The following HDAC4 variants were observed in gnomAD, a reference collection of about 807,000 sequenced individuals.
HDAC4 encodes histone deacetylase 4.
Under a neutral mutation model 135.1 loss-of-function variants are expected in HDAC4, and 16 were observed. The observed-to-expected ratio is 0.12, with a 90% CI of 0.08 to 0.18. The LOEUF (loss-of-function observed/expected upper bound fraction) is 0.18, where lower values mean the gene tolerates loss of function less well. HDAC4 is among the 10% of genes least tolerant of loss of function. The pLI is 1.00. For missense variants in HDAC4, 1,143 were observed against 1,511.8 expected, an observed-to-expected ratio of 0.76 and a Z score of 4.05; for synonymous variants, 685 against 653.4, an observed-to-expected ratio of 1.05 and a Z score of -0.74.
At chr2:239,238,268 A>G (rs1197613991) in intron 2 of HDAC4, among the ~76,000 whole-genome samples, 1 of 152,198 alleles carries the variant, frequency 6.6e-6, no homozygotes, top group Non-Finnish European at 1.5e-5. Context: ...CTCATTGTAG[A>G]CAAAAAATAA....
intron 3 of HDAC4, among the ~76,000 whole-genome samples, chr2:239,213,821 G>A (rs899517933): frequency 1.3e-5 from 2 of 152,214 alleles, no homozygotes; most frequent in African/African-American, 4.8e-5. Context: ...CACAGGGCAG[G>A]GCCTGCCCTC....
rs3838511 is a variant in HDAC4 at position 239,141,848 on chromosome 2, A to AT, written c.866-2053dup. The stretch of plus-strand genomic sequence containing the variant: ...CTTTTAACTCAACGAGGTTAATTTT[A>AT]TTTTTTTGCATTCTACTTCCAGGAA... On this transcript the variant is annotated intron_variant, in intron 8 of 26. Transcript: ENST00000543185. This position sits in a 1 kb window ranked among gnomAD's most constrained non-coding sequence, Gnocchi z 4.9. Among the ~76,000 whole-genome samples the AT allele has an allele frequency of 3.2e-4, 48 of 152,270 alleles. No individual in the cohort carries two copies. The East Asian group carries it at 7.5e-3, about 24-fold the overall frequency.
chr2:239,197,328 G>A (rs1489677166), intron 3 of HDAC4, among the ~76,000 whole-genome samples: 1 of 152,196 alleles, frequency 6.6e-6, no homozygotes. Flanking sequence ...GCTGCACCTT[G>A]AGTGTGACTC....
At chr2:239,264,908 T>G (rs1434620505) in intron 2 of HDAC4, among the ~76,000 whole-genome samples, 1 of 152,186 alleles carries the variant, frequency 6.6e-6, no homozygotes, top group Admixed American at 6.5e-5. Context: ...GCAATGGGCT[T>G]TCTTTTTTCC....
chr2:239,181,703 C>T (rs1192334382), intron 4 of HDAC4, among the ~76,000 whole-genome samples: 1 of 152,174 alleles, frequency 6.6e-6, no homozygotes, highest in East Asian at 1.9e-4. Flanking sequence ...AAAACCTGCT[C>T]CACCCACCTG....
Position 239,085,045 on chromosome 2 carries a change from C to CAG in HDAC4, c.2445-804_2445-803insCT, listed in dbSNP as rs1559395545. On this transcript the variant is annotated intron_variant, in intron 19 of 26. Coordinates refer to ENST00000543185, the MANE Select transcript of HDAC4 (RefSeq NM_001378414.1). ...AGTTCCATACTGAGACAGACAGACACACACACACACACACACACACACACA... is the reference window on the plus strand; with the variant it reads ...AGTTCCATACTGAGACAGACAGACACAGACACACACACACACACACACACACA... 1.8e-3 allele frequency among the ~76,000 whole-genome samples: 111 copies of CAG among 60,974 alleles called. 1 individual carries two copies. The highest frequency in any genetic ancestry group is 4.4e-3 in the South Asian group (7 of 1,582). The allele number at this position is 60,974 out of a possible 152,430, so 40.0% of individuals were successfully genotyped here. A position where few individuals can be genotyped will look rare whatever the true frequency, so the allele number is the denominator to read the frequency against.
chr2:239,097,170 A>G (rs2037187686), intron 16 of HDAC4, among the ~76,000 whole-genome samples: 1 of 152,216 alleles, frequency 6.6e-6, no homozygotes, highest in African/African-American at 2.4e-5. Context: ...GCTCCTCTCC[A>G]CCTGGCCTGG....
chr2:239,293,847 G>A (rs184619953), intron 2 of HDAC4, among the ~76,000 whole-genome samples: 4 of 152,328 alleles, frequency 2.6e-5, no homozygotes, highest in Admixed American at 6.5e-5. Context: ...ACCTGACGGC[G>A]AGAACGCCAG....
intron 7 of HDAC4, 116 bp downstream of exon 7, chr2:239,156,536 A>C (rs561354628): frequency 8.0e-7 from 1 of 1,247,430 alleles, no homozygotes; most frequent in East Asian, 2.3e-5. Context: ...AATATTTAAA[A>C]ATCTGCAGGT....
chr2:239,257,861 G>A (rs1457625639), intron 2 of HDAC4, among the ~76,000 whole-genome samples: 1 of 151,968 alleles, frequency 6.6e-6, no homozygotes, highest in Admixed American at 6.6e-5. Flanking sequence ...AAACCCAACA[G>A]AACAACAAAC....
intron 23 of HDAC4, among the ~76,000 whole-genome samples, chr2:239,067,667 C>T (rs1362359578): frequency 6.6e-6 from 1 of 152,200 alleles, no homozygotes; most frequent in East Asian, 1.9e-4. Flanking sequence ...GGCTGCACGG[C>T]CTGGTGGACT....
In HDAC4 at chr2:239,115,370, A is replaced by T; in HGVS notation, c.1534-60T>A. On this transcript the variant is annotated intron_variant, in intron 12 of 26. Transcript: ENST00000543185. This position sits in a 1 kb window ranked among gnomAD's most constrained non-coding sequence, Gnocchi z 6.3. ...GCTGGGTCCTCTGAGCTCATCTGAC[A>T]GGAGAAGGGATGCTGCAAACCCCAC... is the stretch of plus-strand genomic sequence containing the variant. The T allele has an allele frequency of 1.2e-6, 2 of 1,601,278 alleles. No homozygotes were observed. The highest frequency in any genetic ancestry group is 1.7e-6 in the Non-Finnish European group (2 of 1,171,370).
intron 3 of HDAC4, chr2:239,191,105 G>A: frequency 2.3e-6 from 1 of 428,478 alleles, no homozygotes; most frequent in Non-Finnish European, 4.8e-6. Context: ...CCCTCCCACA[G>A]GCCCACCCCT....
intron 7 of HDAC4, among the ~76,000 whole-genome samples, chr2:239,153,201 T>G (rs2042219534): frequency 6.6e-6 from 1 of 152,308 alleles, no homozygotes; most frequent in Non-Finnish European, 1.5e-5. Context: ...GCAAAGGACA[T>G]GCAAAAAATG....
chr2:239,374,593 CG>C (rs1265107305), intron 1 of HDAC4, among the ~76,000 whole-genome samples: 1 of 150,558 alleles, frequency 6.6e-6, no homozygotes, highest in African/African-American at 2.4e-5. Context: ...TTAGTAGAGA[CG>C]GGGTTTCACC....
At chr2:239,107,111 G>T (rs984333265) in intron 15 of HDAC4, among the ~76,000 whole-genome samples, 1 of 152,166 alleles carries the variant, frequency 6.6e-6, no homozygotes, top group Non-Finnish European at 1.5e-5. Context: ...TCCTGCCCTC[G>T]CTATCAGCAG....
intron 1 of HDAC4, among the ~76,000 whole-genome samples, chr2:239,373,538 G>A (rs528315499): frequency 3.3e-5 from 5 of 151,726 alleles, no homozygotes; most frequent in African/African-American, 4.8e-5. Context: ...GTGTGATCTC[G>A]GCTCAACCTC....
In HDAC4 at chr2:239,320,096, A is replaced by C. The variant is rs923141787; in HGVS notation, c.22+32582T>G. On this transcript the variant is annotated intron_variant, in intron 2 of 26. Transcript: ENST00000543185. ...TGGAGGGGATAAAAACAGAATGACT[A>C]AGCGGGCTGAGAAAGTGATAAATCA... Among the ~76,000 whole-genome samples the C allele has an allele frequency of 5.3e-5, 8 of 152,162 alleles. No individual in the cohort carries two copies. In the South Asian group the frequency reaches 1.2e-3, roughly 24 times the overall value.
chr2:239,061,466 GGT>G (rs2032722157), intron 24 of HDAC4, among the ~76,000 whole-genome samples: 1 of 151,804 alleles, frequency 6.6e-6, no homozygotes, highest in Non-Finnish European at 1.5e-5. Flanking sequence ...GCGTATGTGT[GGT>G]GTGTGCGTGC....
Sources: allele counts gnomAD v4.1 joint callset (sites outside exome capture counted in the v4.1 genomes callset), GRCh38; gene constraint gnomAD v4.1.1; non-coding constraint Gnocchi (gnomAD v3.1); transcripts MANE v1.5; gene names NCBI Gene and HGNC (gene_info 2026-07-23, HGNC 2026-07-21).